SLC36A4: variants seen among roughly 807,000 people sequenced by gnomAD.
SLC36A4 encodes the protein solute carrier family 36 member 4, also known as neutral amino acid uniporter 4.
In SLC36A4, 49 loss-of-function variants were observed where a neutral mutation model predicts 50.5. That is an observed-to-expected ratio of 0.97 (90% CI 0.77 to 1.23). SLC36A4 has a LOEUF of 1.23. Ranked by LOEUF, SLC36A4 falls within the 50% of genes most tolerant of loss-of-function variation. The pLI, the probability that SLC36A4 is intolerant of heterozygous loss-of-function variation, is 0.00. For missense variants in SLC36A4, 611 were observed against 608.4 expected, an observed-to-expected ratio of 1.00 and a Z score of -0.05; for synonymous variants, 207 against 206.5, an observed-to-expected ratio of 1.00 and a Z score of -0.02.
intron 9 of SLC36A4, among the ~76,000 whole-genome samples, chr11:93,157,230 T>C (rs1860408704): frequency 1.3e-5 from 2 of 152,176 alleles, no homozygotes; most frequent in South Asian, 4.1e-4. Flanking sequence ...AGTACAATGC[T>C]GTTTTGGTTA....
chr11:93,192,398 G>A (rs1312258962), intron 1 of SLC36A4, among the ~76,000 whole-genome samples: 5 of 152,238 alleles, frequency 3.3e-5, no homozygotes, highest in Admixed American at 6.5e-5. Flanking sequence ...AGTAGGGGAT[G>A]AGATCAGATC....
intron 6 of SLC36A4, among the ~76,000 whole-genome samples, chr11:93,174,895 G>A (rs974143534): frequency 7.1e-6 from 1 of 141,658 alleles, no homozygotes; most frequent in South Asian, 2.6e-4. Flanking sequence ...CAAGGATATT[G>A]GTCTAAAATT....
intron 1 of SLC36A4, among the ~76,000 whole-genome samples, chr11:93,193,843 A>G (rs866359981): frequency 1.3e-5 from 2 of 152,180 alleles, no homozygotes; most frequent in Non-Finnish European, 2.9e-5. Flanking sequence ...TAGTAATTCT[A>G]CTTCTGGCAA....
chr11:93,157,522 A>G (rs1485975057), intron 9 of SLC36A4, among the ~76,000 whole-genome samples: 1 of 152,080 alleles, frequency 6.6e-6, no homozygotes, highest in Non-Finnish European at 1.5e-5. Context: ...GATTTCTCTG[A>G]GCAGTGTTTT....
intron 9 of SLC36A4, among the ~76,000 whole-genome samples, chr11:93,157,066 G>A (rs1050728856): frequency 1.3e-5 from 2 of 152,118 alleles, no homozygotes; most frequent in Non-Finnish European, 2.9e-5. Context: ...CCATATGGCT[G>A]GCTGGTTATC....
At chr11:93,197,139 A>T (rs188483656) in intron 1 of SLC36A4, 1 of 152,470 alleles carries the variant, frequency 6.6e-6, no homozygotes, top group African/African-American at 2.4e-5. Context: ...AAATACTCCC[A>T]AGTACAGTAC....
At chr11:93,164,420 T>C (rs759956551) in intron 8 of SLC36A4, among the ~76,000 whole-genome samples, 4 of 152,184 alleles carry the variant, frequency 2.6e-5, no homozygotes, top group Non-Finnish European at 5.9e-5. Context: ...GTAACAATAA[T>C]AGCAAGTATT....
At chr11:93,187,195 G>A (rs1341145862) in intron 1 of SLC36A4, among the ~76,000 whole-genome samples, 1 of 152,050 alleles carries the variant, frequency 6.6e-6, no homozygotes, top group Non-Finnish European at 1.5e-5. Flanking sequence ...AAATCTGATG[G>A]CAGACTAATT....
At chr11:93,154,990 T>G (rs370024685) in intron 9 of SLC36A4, 8 of 152,226 alleles carry the variant, frequency 5.3e-5, no homozygotes, top group African/African-American at 1.9e-4. Context: ...GATAACCTCC[T>G]GTCAAAACTT....
chr11:93,175,476 T>C (rs1245905163), intron 6 of SLC36A4, among the ~76,000 whole-genome samples: 2 of 151,320 alleles, frequency 1.3e-5, no homozygotes, highest in Non-Finnish European at 3.0e-5. Flanking sequence ...TAGTTATTTC[T>C]TGCCTTCTGC....
intron 3 of SLC36A4, 87 bp downstream of exon 3, chr11:93,184,343 G>T: frequency 1.2e-6 from 1 of 807,136 alleles, no homozygotes; most frequent in Non-Finnish European, 2.1e-6. Flanking sequence ...ACCTTACCAG[G>T]TTATATTTGA....
intron 10 of SLC36A4, chr11:93,152,172 T>C (rs994441419): frequency 3.3e-5 from 5 of 152,114 alleles, no homozygotes; most frequent in South Asian, 2.1e-4. Context: ...TTATGGAACA[T>C]TGAAAGACAT....
intron 1 of SLC36A4, among the ~76,000 whole-genome samples, chr11:93,188,545 T>C (rs1340461048): frequency 6.6e-5 from 10 of 152,216 alleles, no homozygotes. Context: ...CTTTAGGACA[T>C]TCTCCATACA....
intron 2 of SLC36A4, among the ~76,000 whole-genome samples, chr11:93,185,059 A>C (rs1049035407): frequency 9.2e-5 from 14 of 152,160 alleles, no homozygotes; most frequent in Non-Finnish European, 1.2e-4. Flanking sequence ...AACACGAATC[A>C]ATTTTTAGAT....
chr11:93,197,691 G>A (rs1862486870), intron 1 of SLC36A4, 87 bp downstream of exon 1: 8 of 1,416,502 alleles, frequency 5.6e-6, no homozygotes, highest in Non-Finnish European at 7.7e-6. Context: ...GCCAAGCGCG[G>A]GGCCCCTGGA....
chr11:93,165,017 C>A (rs1193492475), intron 8 of SLC36A4, among the ~76,000 whole-genome samples: 1 of 152,080 alleles, frequency 6.6e-6, no homozygotes, highest in Non-Finnish European at 1.5e-5. Flanking sequence ...GAGTTAAAGA[C>A]AAACATGAAA....
intron 10 of SLC36A4, chr11:93,153,852 C>G (rs894466592): frequency 1.0e-5 from 2 of 196,016 alleles, no homozygotes; most frequent in African/African-American, 4.6e-5. Context: ...ATTTTAATCA[C>G]CAGTAATGTA....
intron 6 of SLC36A4, among the ~76,000 whole-genome samples, chr11:93,175,927 G>A (rs12221576): frequency 8.0e-6 from 1 of 125,274 alleles, no homozygotes. Flanking sequence ...ATATTCTGTT[G>A]ATTTGGGGTG....
At chr11:93,156,911 T>A (rs1303242880) in intron 9 of SLC36A4, among the ~76,000 whole-genome samples, 3 of 152,194 alleles carry the variant, frequency 2.0e-5, no homozygotes, top group Non-Finnish European at 4.4e-5. Context: ...GGAGTCTTCA[T>A]CATAAAATCT....
Sources: gnomAD v4.1 joint callset for allele counts (sites outside exome capture counted in the v4.1 genomes callset) on GRCh38, gnomAD v4.1.1 for gene constraint, MANE v1.5 for transcripts, NCBI Gene and HGNC (gene_info 2026-07-23, HGNC 2026-07-21) for gene names.